PRUNE2: variants seen among roughly 807,000 people sequenced by gnomAD.
PRUNE2 encodes prune homolog 2 with BCH domain, also known as protein prune homolog 2.
In PRUNE2, 164 loss-of-function variants were observed where a neutral mutation model predicts 252.0. That is an observed-to-expected ratio of 0.65 (90% CI 0.57 to 0.74). The LOEUF is 0.74. Among genes scored for constraint, PRUNE2 ranks in the 30% least tolerant of loss-of-function variants. The pLI, the probability that PRUNE2 is intolerant of heterozygous loss-of-function variation, is 0.00. For missense variants in PRUNE2, 3,495 were observed against 3,711.0 expected (o/e 0.94, Z 1.51); for synonymous variants, 1,292 against 1,350.2 (o/e 0.96, Z 0.94).
At chr9:76,695,734 C>T (rs2045319909) in intron 9 of PRUNE2, among the ~76,000 whole-genome samples, 1 of 152,106 alleles carries the variant, frequency 6.6e-6, no homozygotes, top group Non-Finnish European at 1.5e-5. Context: ...TTCATTCAAT[C>T]AGGCCTATTT....
At chr9:76,823,948 A>C (rs956090648) in intron 5 of PRUNE2, among the ~76,000 whole-genome samples, 15 of 152,156 alleles carry the variant, frequency 9.9e-5, no homozygotes, top group African/African-American at 3.6e-4. Context: ...TTTTGCTGCA[A>C]AAGAAGATGT....
chr9:76,627,624 G>A (rs988340057), intron 16 of PRUNE2, among the ~76,000 whole-genome samples: 19 of 152,054 alleles, frequency 1.2e-4, no homozygotes, highest in Admixed American at 1.1e-3. Flanking sequence ...CTGTGTTCAC[G>A]CCCGATATTG....
intron 3 of PRUNE2, among the ~76,000 whole-genome samples, chr9:76,848,484 G>A (rs1193679748): frequency 1.3e-5 from 2 of 152,134 alleles, no homozygotes; most frequent in African/African-American, 4.8e-5. Context: ...ATAAGTAAAT[G>A]AATTGCATAA....
chr9:76,692,311 G>C (rs111498602), intron 9 of PRUNE2: 19 of 583,262 alleles, frequency 3.3e-5, no homozygotes, highest in Non-Finnish European at 3.1e-6. Context: ...GGGAATATAC[G>C]ATACCCTTTC....
chr9:76,614,470 C>G lies in PRUNE2; in HGVS notation c.*100G>C. Reference sequence around the variant, plus strand: ...AAATTTAGAATGGCACCAGGTAGTGCAAAGTGGAAAAAGGTAACATCAGCC... The same window carrying G: ...AAATTTAGAATGGCACCAGGTAGTGGAAAGTGGAAAAAGGTAACATCAGCC... On this transcript the variant is annotated 3_prime_UTR_variant, in exon 19 of 19. Coordinates refer to ENST00000376718, the MANE Select transcript of PRUNE2 (RefSeq NM_015225.3). 1 of 964,770 alleles carries G rather than the reference C, an allele frequency of 1.0e-6. No individual in the cohort carries two copies. The highest frequency in any genetic ancestry group is 1.6e-6 in the Non-Finnish European group (1 of 607,716). 59.8% of individuals were successfully genotyped at this position (964,770 alleles called of 1,614,324 possible). A position where few individuals can be genotyped will look rare whatever the true frequency, so the allele number is the denominator to read the frequency against.
intron 9 of PRUNE2, among the ~76,000 whole-genome samples, chr9:76,678,852 T>A (rs1196214930): frequency 6.6e-6 from 1 of 151,598 alleles, no homozygotes; most frequent in Non-Finnish European, 1.5e-5. Flanking sequence ...TAAATAAAAA[T>A]AAATAAATAA....
At chr9:76,685,179 A>G (rs1251120701) in intron 9 of PRUNE2, among the ~76,000 whole-genome samples, 1 of 152,254 alleles carries the variant, frequency 6.6e-6, no homozygotes, top group African/African-American at 2.4e-5. Context: ...AGTGCTTGGC[A>G]AAAGTTCTAT....
chr9:76,624,883 A>G (rs1327262510), intron 16 of PRUNE2: 6 of 472,262 alleles, frequency 1.3e-5, no homozygotes, highest in Non-Finnish European at 2.3e-5. Flanking sequence ...AGCTTTACAC[A>G]CAGGACAAAG....
intron 9 of PRUNE2, among the ~76,000 whole-genome samples, chr9:76,667,394 G>A (rs1247736633): frequency 6.6e-6 from 1 of 152,234 alleles, no homozygotes; most frequent in East Asian, 1.9e-4. Flanking sequence ...GTGAGCAGCA[G>A]AACTGGCTGG....
At chr9:76,745,327 G>A (rs2050005736) in intron 6 of PRUNE2, among the ~76,000 whole-genome samples, 2 of 152,328 alleles carry the variant, frequency 1.3e-5, no homozygotes, top group South Asian at 4.1e-4. Flanking sequence ...GAATTCTGCT[G>A]AGGTGTAGAC....
intron 9 of PRUNE2, among the ~76,000 whole-genome samples, chr9:76,678,217 T>C (rs1934165516): frequency 6.7e-6 from 1 of 150,284 alleles, no homozygotes; most frequent in Admixed American, 6.6e-5. Context: ...CCAGACGTGG[T>C]GGTGGGCGCC....
Position 76,710,219 on chromosome 9 carries a change from T to G in PRUNE2, c.2055A>C (p.Ser685=). The G allele has an allele frequency of 6.2e-7, 1 of 1,613,976 alleles. No homozygotes were observed. Among genetic ancestry groups the G allele is most frequent in the Non-Finnish European group, 8.5e-7 (1 of 1,179,872 alleles). Residue 685 remains serine, a synonymous_variant, in exon 8 of 19, where the codon TCA becomes TCC. Transcript: ENST00000376718. ...EQESVFQSPE[S]WKEHKPSSID... ...TGGAGCTTGGCTTATGCTCTTTCCATGATTCAGGGCTCTGGAAAACAGATT... is the reference window on the plus strand; with the variant it reads ...TGGAGCTTGGCTTATGCTCTTTCCAGGATTCAGGGCTCTGGAAAACAGATT...
chr9:76,743,660 A>G (rs907210381), intron 6 of PRUNE2, among the ~76,000 whole-genome samples: 1 of 152,252 alleles, frequency 6.6e-6, no homozygotes, highest in African/African-American at 2.4e-5. Flanking sequence ...TATTTGACAT[A>G]CTGTTAATAG....
intron 6 of PRUNE2, among the ~76,000 whole-genome samples, chr9:76,793,442 G>GACGCT (rs1438815131): frequency 6.6e-6 from 1 of 152,178 alleles, no homozygotes; most frequent in African/African-American, 2.4e-5. Flanking sequence ...GTTAATGAAT[G>GACGCT]AAGCTAAGCT....
At chr9:76,781,788 C>T (rs926431766) in intron 6 of PRUNE2, among the ~76,000 whole-genome samples, 2 of 152,166 alleles carry the variant, frequency 1.3e-5, no homozygotes, top group Admixed American at 6.5e-5. Context: ...AATGAGTTAA[C>T]GGTGAATGTC....
intron 4 of PRUNE2, among the ~76,000 whole-genome samples, chr9:76,837,904 T>G (rs980641238): frequency 6.6e-6 from 1 of 151,540 alleles, no homozygotes; most frequent in African/African-American, 2.4e-5. Flanking sequence ...CCTGAGTAGC[T>G]GGGACTACAG....
chr9:76,770,520 A>G (rs760302984), intron 6 of PRUNE2, among the ~76,000 whole-genome samples: 49 of 152,220 alleles, frequency 3.2e-4, no homozygotes, highest in Non-Finnish European at 6.0e-4. Flanking sequence ...TGAAATTGAC[A>G]TTCATCTAAA....
intron 4 of PRUNE2, among the ~76,000 whole-genome samples, chr9:76,833,308 A>G (rs1031458884): frequency 2.6e-5 from 4 of 152,234 alleles, no homozygotes; most frequent in Non-Finnish European, 5.9e-5. Context: ...GCAATCAGTT[A>G]TAATTGATCA....
At chr9:76,823,230 A>C (rs555389988) in intron 6 of PRUNE2, 1 of 154,280 alleles carries the variant, frequency 6.5e-6, no homozygotes, top group South Asian at 2.1e-4. Context: ...AGATCAAAAG[A>C]CAACTTGCTT....
Sources: allele counts gnomAD v4.1 joint callset (sites outside exome capture counted in the v4.1 genomes callset), GRCh38; gene constraint gnomAD v4.1.1; transcripts MANE v1.5; gene names NCBI Gene and HGNC (gene_info 2026-07-23, HGNC 2026-07-21).